Variants in LMAN1 observed in about 807,000 individuals in gnomAD.
The protein encoded by LMAN1 is lectin, mannose binding 1.
A neutral mutation model predicts 67.8 loss-of-function variants in LMAN1; 32 were observed. That is an observed-to-expected ratio of 0.47 (90% CI 0.36 to 0.63). The LOEUF (loss-of-function observed/expected upper bound fraction) is 0.63, where lower values mean the gene tolerates loss of function less well. Among genes scored for constraint, LMAN1 ranks in the 30% least tolerant of loss-of-function variants. The pLI, the probability that LMAN1 is intolerant of heterozygous loss-of-function variation, is 0.00. For missense variants in LMAN1, 632 were observed against 628.2 expected (o/e 1.01, Z -0.06); for synonymous variants, 235 against 219.3 (o/e 1.07, Z -0.63).
At chr18:59,346,525 CT>C (rs1404988831) in intron 7 of LMAN1, among the ~76,000 whole-genome samples, 4 of 142,868 alleles carry the variant, frequency 2.8e-5, no homozygotes, top group Non-Finnish European at 1.5e-5. Flanking sequence ...GCGCCTGGCC[CT>C]TTTTTCTTTT....
rs1471896193 is a variant in LMAN1, at chr18:59,330,979, T to G, written c.*114A>C. The G allele has an allele frequency of 1.4e-6, 1 of 737,204 alleles. No individual in the cohort carries two copies. The highest frequency in any genetic ancestry group is 1.8e-5 in the African/African-American group (1 of 55,204). The allele number at this position is 737,204 out of a possible 1,614,324, so 45.7% of individuals were successfully genotyped here. The stretch of plus-strand genomic sequence containing the variant: ...TAACTGCAAATCAATGTTTAAACAG[T>G]TATTTTATTAAGAAAATTAATAATT... On this transcript the variant is annotated 3_prime_UTR_variant, in exon 13 of 13. Coordinates refer to ENST00000251047, the MANE Select transcript of LMAN1 (RefSeq NM_005570.4).
intron 5 of LMAN1, chr18:59,352,820 T>G: frequency 3.2e-6 from 1 of 308,706 alleles, no homozygotes; most frequent in East Asian, 8.1e-5. Flanking sequence ...TACATTTGTG[T>G]GTCCTCTGTT....
chr18:59,331,478 A>T lies in LMAN1; in HGVS notation c.1436T>A (p.Val479Asp). 3 of 1,611,388 alleles carry T rather than the reference A, an allele frequency of 1.9e-6. No homozygotes were observed. The highest frequency in any genetic ancestry group is 2.5e-6 in the Non-Finnish European group (3 of 1,177,632). The change falls in exon 12 of 13, where the codon GTC (valine) becomes GAC (aspartate). Residue 479 changes from valine (V) to aspartate (D), a missense_variant. Coordinates refer to ENST00000251047, the MANE Select transcript of LMAN1 (RefSeq NM_005570.4). ...CACCACAACAAATATAATGAAGTGG[A>T]CCGTAGACAAACATGATGGAAATGG... ...LPPFPSCLSTVHFIIFVVVQT... is the reference protein window; with the variant it reads ...LPPFPSCLSTDHFIIFVVVQT...
intron 12 of LMAN1, 81 bp downstream of exon 12, chr18:59,331,337 T>A (rs986555278): frequency 1.4e-5 from 19 of 1,393,046 alleles, no homozygotes; most frequent in Non-Finnish European, 1.8e-5. Flanking sequence ...AATTGTATTA[T>A]GAACATAGAT....
chr18:59,357,019 A>C (rs529950349), intron 1 of LMAN1, among the ~76,000 whole-genome samples: 3 of 152,310 alleles, frequency 2.0e-5, no homozygotes, highest in African/African-American at 7.2e-5. Flanking sequence ...CTAGATCTTA[A>C]ATTTCTCTAC....
intron 10 of LMAN1, among the ~76,000 whole-genome samples, chr18:59,336,136 T>C (rs1908142074): frequency 6.6e-6 from 1 of 152,180 alleles, no homozygotes; most frequent in East Asian, 1.9e-4. Context: ...TGTACATGCA[T>C]GGGTTGGTAT....
chr18:59,349,265 T>C (rs761488524), intron 5 of LMAN1, 29 bp from the exon 6 acceptor site: 2 of 1,597,032 alleles, frequency 1.3e-6, no homozygotes, highest in South Asian at 2.2e-5. Flanking sequence ...GCTATAGCTT[T>C]TGCAAAAGAC....
intron 8 of LMAN1, among the ~76,000 whole-genome samples, chr18:59,344,210 A>G (rs1422469691): frequency 6.6e-6 from 1 of 152,164 alleles, no homozygotes; most frequent in East Asian, 1.9e-4. Flanking sequence ...AATTAGTACA[A>G]CCTTCATGGA....
At position 59,353,250 on chromosome 18, in the gene LMAN1, T is replaced by C; in HGVS notation, c.591A>G (p.Lys197=). ...TAATCTTTGCTCGGACAGGATAGGG[T>C]TTGTTGCGGAAGTCCCTCTGGCAAC... ...LASCQRDFRN[K]PYPVRAKITY... is the part of the protein sequence containing the mutation. Residue 197 remains lysine, a synonymous_variant, in exon 5 of 13, where the codon AAA becomes AAG. Transcript: ENST00000251047. 1 of 1,614,088 alleles carries C rather than the reference T, an allele frequency of 6.2e-7. No homozygotes were observed. The highest frequency in any genetic ancestry group is 8.5e-7 in the Non-Finnish European group (1 of 1,179,992).
At chr18:59,341,990 A>T (rs764071015) in intron 8 of LMAN1, among the ~76,000 whole-genome samples, 10 of 152,112 alleles carry the variant, frequency 6.6e-5, no homozygotes, top group Non-Finnish European at 1.0e-4. Flanking sequence ...TCAGAAAAGA[A>T]GGAGACATTA....
At chr18:59,331,238 C>T (rs957629400) in intron 12 of LMAN1, 109 bp from the exon 13 acceptor site, 34 of 1,081,608 alleles carry the variant, frequency 3.1e-5, no homozygotes, top group Admixed American at 1.7e-4. Flanking sequence ...GTATACAACG[C>T]ATTAAGATAA....
At chr18:59,336,765 T>TC in intron 10 of LMAN1, among the ~76,000 whole-genome samples, 1 of 151,946 alleles carries the variant, frequency 6.6e-6, no homozygotes, top group Non-Finnish European at 1.5e-5. Context: ...GTACCTGTAG[T>TC]CCCAGCTACT....
intron 1 of LMAN1, among the ~76,000 whole-genome samples, chr18:59,358,639 T>A (rs1391239901): frequency 6.6e-6 from 1 of 151,432 alleles, no homozygotes; most frequent in Non-Finnish European, 1.5e-5. Flanking sequence ...TGTCTCAGGT[T>A]GGGATGGCTG....
rs1011879959 is a variant in LMAN1, at chr18:59,329,243, T to A, written c.*1850A>T. On this transcript the variant is annotated 3_prime_UTR_variant, in exon 13 of 13. Coordinates refer to ENST00000251047, the MANE Select transcript of LMAN1 (RefSeq NM_005570.4). ...TGCTGTTTCATAATAGCCATCTCCA[T>A]TTGTAGTAAGAATAATCAGAATGAT... 6.6e-6 allele frequency: 1 copy of A among 152,164 alleles called. No homozygotes were observed. The highest frequency in any genetic ancestry group is 1.5e-5 in the Non-Finnish European group (1 of 68,002). 9.4% of individuals were successfully genotyped at this position (152,164 alleles called of 1,614,324 possible). A position where few individuals can be genotyped will look rare whatever the true frequency, so the allele number is the denominator to read the frequency against.
Position 59,333,205 on chromosome 18 carries a change from C to T in LMAN1, c.1260G>A (p.Met420Ile), listed in dbSNP as rs1292069587. ...CGCCTCCAGCAGAGCCAGGGTGCTG[C>T]ATTCCACTGACCAGTCTGACGGTTT... is the stretch of plus-strand genomic sequence containing the variant. Reference protein sequence around the residue: ...MSETVRLVSGMQHPGSAGGVY... With the variant: ...MSETVRLVSGIQHPGSAGGVY... The change falls in exon 11 of 13, where the codon ATG becomes ATA. Residue 420 changes from methionine (M) to isoleucine (I), a missense_variant. Met to Ile is a conservative substitution (Grantham distance 10). Transcript: ENST00000251047. The T allele has an allele frequency of 6.2e-7, 1 of 1,613,700 alleles. No homozygotes were observed.
At chr18:59,352,033 T>C (rs945397143) in intron 5 of LMAN1, among the ~76,000 whole-genome samples, 1 of 152,222 alleles carries the variant, frequency 6.6e-6, no homozygotes, top group African/African-American at 2.4e-5. Flanking sequence ...GAAAAATTCA[T>C]ACACTATTTT....
chr18:59,349,823 C>T (rs1051365100), intron 5 of LMAN1, among the ~76,000 whole-genome samples: 4 of 152,222 alleles, frequency 2.6e-5, no homozygotes, highest in Admixed American at 6.5e-5. Context: ...TCCTAAATTT[C>T]TTAACAGAAT....
intron 8 of LMAN1, among the ~76,000 whole-genome samples, chr18:59,345,194 CAT>C (rs1403628513): frequency 1.3e-5 from 2 of 152,138 alleles, no homozygotes; most frequent in Non-Finnish European, 2.9e-5. Flanking sequence ...CTGCATACTA[CAT>C]AGAGTTCAAA....
rs1393843541 is a variant in LMAN1 at position 59,346,016 on chromosome 18, T to A, written c.858A>T (p.Lys286Asn). 6.2e-7 allele frequency: 1 copy of A among 1,613,084 alleles called. No homozygotes were observed. The highest frequency in any genetic ancestry group is 8.5e-7 in the Non-Finnish European group (1 of 1,179,774). The change falls in exon 8 of 13, where the codon AAA becomes AAT. Residue 286 changes from lysine to asparagine, a missense_variant. By Grantham distance (94) the Lys-to-Asn change is moderately conservative (BLOSUM62 0). Transcript: ENST00000251047. ...TPDKEISEKE[K>N]EKYQEEFEHF... ...GCTCAAATTCCTCCTGATACTTTTCTTTTTCCTTTTCCGAAATTTCTTTAT... is the reference window on the plus strand; with the variant it reads ...GCTCAAATTCCTCCTGATACTTTTCATTTTCCTTTTCCGAAATTTCTTTAT...
Sources: gnomAD v4.1 joint callset for allele counts (sites outside exome capture counted in the v4.1 genomes callset) on GRCh38, gnomAD v4.1.1 for gene constraint, MANE v1.5 for transcripts, NCBI Gene and HGNC (gene_info 2026-07-23, HGNC 2026-07-21) for gene names.